Variants in TMEM268 observed in about 807,000 individuals in gnomAD.
TMEM268 encodes transmembrane protein 268, also known as transmembrane protein C9orf91.
In TMEM268, 24 loss-of-function variants were observed where a neutral mutation model predicts 39.1. The ratio of observed to expected loss-of-function variants is 0.61; its 90% confidence interval spans 0.44 to 0.86. The LOEUF (loss-of-function observed/expected upper bound fraction) is 0.86. Among genes scored for constraint, TMEM268 ranks in the 40% least tolerant of loss-of-function variants. The pLI is 0.00. For synonymous variants in TMEM268, 176 were observed against 173.5 expected (o/e 1.01, Z -0.12); for missense variants, 409 against 428.6 (o/e 0.95, Z 0.40).
At position 114,616,526 on chromosome 9, in the gene TMEM268, C is replaced by T. The variant is rs189317258; in HGVS notation, c.-78-592C>T. 1.1e-4 allele frequency among the ~76,000 whole-genome samples: 17 copies of T among 151,820 alleles called. 1 individual carries two copies. The highest frequency in any genetic ancestry group is 3.9e-4 in the East Asian group (2 of 5,148). On this transcript the variant is annotated intron_variant, in intron 1 of 8. Coordinates refer to ENST00000288502, the MANE Select transcript of TMEM268 (RefSeq NM_153045.4). ...GATTACAAGTGTGCACCACCACACC[C>T]GGCTGATTTTTGTGTTTTTGGTAGA...
intron 1 of TMEM268, among the ~76,000 whole-genome samples, chr9:114,614,285 C>T (rs1198150812): frequency 2.0e-5 from 3 of 152,188 alleles, no homozygotes; most frequent in African/African-American, 4.8e-5. Context: ...TTGTCTTTTA[C>T]ATAGTCTTGG....
At position 114,646,170 on chromosome 9, in the gene TMEM268, A is replaced by G. The variant is rs1040403353; in HGVS notation, c.*2857A>G. 2.6e-5 allele frequency: 4 copies of G among 152,050 alleles called. No individual in the cohort carries two copies. Among genetic ancestry groups the G allele is most frequent in the Non-Finnish European group, 5.9e-5 (4 of 68,026 alleles). 9.4% of individuals were successfully genotyped at this position (152,050 alleles called of 1,614,324 possible). A position where few individuals can be genotyped will look rare whatever the true frequency, so the allele number is the denominator to read the frequency against. On this transcript the variant is annotated 3_prime_UTR_variant, in exon 9 of 9. Transcript: ENST00000288502. ...ATGTGGCCATGGTGTAGGCAGTGCA[A>G]TGTCTTCGAGTGAGAGTGAAGGTGG...
intron 6 of TMEM268, 63 bp downstream of exon 6, chr9:114,633,941 A>T (rs1238913644): frequency 1.1e-6 from 1 of 931,636 alleles, no homozygotes; most frequent in Non-Finnish European, 1.6e-6. Context: ...AATGGAGAGC[A>T]GTGGCCTCAT....
intron 5 of TMEM268, 152 bp from the exon 6 acceptor site, chr9:114,633,616 G>T: frequency 2.3e-6 from 1 of 443,384 alleles, no homozygotes; most frequent in East Asian, 3.5e-5. Context: ...CTCCACCCCC[G>T]ACCATTTAAT....
At chr9:114,623,168 G>T (rs1846017645) in intron 2 of TMEM268, among the ~76,000 whole-genome samples, 1 of 152,044 alleles carries the variant, frequency 6.6e-6, no homozygotes, top group Non-Finnish European at 1.5e-5. Context: ...TATTTATTTT[G>T]AGATGGAGTT....
intron 1 of TMEM268, 35 bp downstream of exon 1, chr9:114,611,599 C>G (rs1188607337): frequency 1.9e-5 from 3 of 155,868 alleles, no homozygotes; most frequent in Non-Finnish European, 4.2e-5. Flanking sequence ...GCGCCCGTGT[C>G]CTGCGATCCG....
chr9:114,638,966 T>A (rs201142850), intron 8 of TMEM268, among the ~76,000 whole-genome samples: 3 of 152,356 alleles, frequency 2.0e-5, no homozygotes, highest in East Asian at 3.9e-4. Context: ...ATATCTTGGA[T>A]ATTCTTTTTG....
At chr9:114,627,926 G>A (rs1200100995) in intron 4 of TMEM268, among the ~76,000 whole-genome samples, 175 bp from the exon 5 acceptor site, 5 of 152,178 alleles carry the variant, frequency 3.3e-5, no homozygotes, top group Non-Finnish European at 7.4e-5. Flanking sequence ...TTATAAACAA[G>A]GAACATTAGC....
At chr9:114,613,261 C>T (rs1449189358) in intron 1 of TMEM268, among the ~76,000 whole-genome samples, 1 of 152,228 alleles carries the variant, frequency 6.6e-6, no homozygotes, top group Non-Finnish European at 1.5e-5. Context: ...TTCTGAAAGA[C>T]ATTGCCTCAT....
At position 114,627,013 on chromosome 9, in the gene TMEM268, G is replaced by A. The variant is rs754983428; in HGVS notation, c.324+7G>A. 10 of 1,595,460 alleles carry A rather than the reference G, an allele frequency of 6.3e-6. No individual in the cohort carries two copies. In the South Asian group the frequency reaches 9.9e-5, roughly 16 times the overall value. ...GCGGCTGGCCTTTGCTGTGGTAAGG[G>A]GGAGGTGGCCCGCACACTGACCCTG... On this transcript the variant is annotated splice_region_variant and intron_variant, in intron 4 of 8. Coordinates refer to ENST00000288502, the MANE Select transcript of TMEM268 (RefSeq NM_153045.4).
intron 6 of TMEM268, 74 bp downstream of exon 6, chr9:114,633,952 G>A: frequency 3.6e-6 from 3 of 824,670 alleles, no homozygotes; most frequent in Non-Finnish European, 5.8e-6. Flanking sequence ...GTGGCCTCAT[G>A]TTCTCCCAGC....
intron 8 of TMEM268, among the ~76,000 whole-genome samples, chr9:114,642,414 T>A (rs530923272): frequency 6.6e-6 from 1 of 152,282 alleles, no homozygotes; most frequent in South Asian, 2.1e-4. Context: ...TCTTTTAATA[T>A]GTTAGGAGTA....
upstream of TMEM268, among the ~76,000 whole-genome samples, chr9:114,609,935 C>T (rs1845434949): frequency 6.6e-6 from 1 of 152,254 alleles, no homozygotes; most frequent in African/African-American, 2.4e-5. Flanking sequence ...CAGGGCAAGG[C>T]CTGTCAGCAA....
At position 114,631,103 on chromosome 9, in the gene TMEM268, C is replaced by G. The variant is rs146125269; in HGVS notation, c.475-2665C>G. Among the ~76,000 whole-genome samples the G allele has an allele frequency of 3.7e-3, 568 of 151,950 alleles. 1 individual carries two copies. Among genetic ancestry groups the G allele is most frequent in the Non-Finnish European group, 7.3e-3 (493 of 67,976 alleles). ...CTCAGGTGGGAGGATCACTTGGGCC[C>G]AGGAGTTTGAGACCAGGCTAGGCAA... is the stretch of plus-strand genomic sequence containing the variant. On this transcript the variant is annotated intron_variant, in intron 5 of 8. Coordinates refer to ENST00000288502, the MANE Select transcript of TMEM268 (RefSeq NM_153045.4).
chr9:114,645,550 A>G lies in TMEM268; in HGVS notation c.*2237A>G, dbSNP rs1827541636. On this transcript the variant is annotated 3_prime_UTR_variant, in exon 9 of 9. Transcript: ENST00000288502. ...CTCAAGGAAATTATTCACGAAGGTG[A>G]CCACTGTCTTTCTGACCTGGCACAG... The G allele has an allele frequency of 6.6e-6, 1 of 152,368 alleles. No individual in the cohort carries two copies. The highest frequency in any genetic ancestry group is 6.5e-5 in the Admixed American group (1 of 15,272). 9.4% of individuals were successfully genotyped at this position (152,368 alleles called of 1,614,324 possible).
the TMEM268 span, among the ~76,000 whole-genome samples, chr9:114,604,893 A>G: frequency 2.6e-5 from 4 of 152,190 alleles, no homozygotes; most frequent in Non-Finnish European, 4.4e-5. Context: ...AGAATGTTCA[A>G]TGTCACAGAG....
upstream of TMEM268, among the ~76,000 whole-genome samples, chr9:114,608,580 T>G (rs1215077308): frequency 3.3e-5 from 5 of 152,224 alleles, no homozygotes; most frequent in Non-Finnish European, 7.3e-5. Context: ...AGGGTTTAGA[T>G]AGATGGTGAT....
At chr9:114,621,316 A>G (rs995976483) in intron 2 of TMEM268, among the ~76,000 whole-genome samples, 12 of 150,738 alleles carry the variant, frequency 8.0e-5, no homozygotes, top group Admixed American at 8.0e-4. Flanking sequence ...ACTGCACTCC[A>G]GCCTGGGTGA....
chr9:114,623,348 G>A (rs1846024012), intron 2 of TMEM268, among the ~76,000 whole-genome samples: 1 of 152,048 alleles, frequency 6.6e-6, no homozygotes, highest in Non-Finnish European at 1.5e-5. Flanking sequence ...GTTTCACCAT[G>A]TTGGCCAGGC....
Sources: gnomAD v4.1 joint callset for allele counts (sites outside exome capture counted in the v4.1 genomes callset) on GRCh38, gnomAD v4.1.1 for gene constraint, MANE v1.5 for transcripts, NCBI Gene and HGNC (gene_info 2026-07-23, HGNC 2026-07-21) for gene names.